CASK: variants seen among roughly 807,000 people sequenced by gnomAD.
The protein encoded by CASK is calcium/calmodulin dependent serine protein kinase.
A neutral mutation model predicts 82.9 loss-of-function variants in CASK; 4 were observed. The ratio of observed to expected loss-of-function variants is 0.05; its 90% confidence interval spans 0.02 to 0.11. CASK has a LOEUF of 0.11. CASK is among the 10% of genes least tolerant of loss of function. The pLI is 1.00. For synonymous variants in CASK, 259 were observed against 253.5 expected (o/e 1.02, Z -0.20); for missense variants, 358 against 720.9 (o/e 0.50, Z 5.76).
chrX:41,738,566 A>C (rs1026473956), intron 5 of CASK, among the ~76,000 whole-genome samples: 13 of 112,593 alleles, frequency 1.2e-4, no homozygotes, highest in Non-Finnish European at 2.4e-4. Context: ...AATTTTCTTA[A>C]TCATTTAAAG....
chrX:41,904,818 T>C (rs2072442701), intron 1 of CASK, among the ~76,000 whole-genome samples: 1 of 111,785 alleles, frequency 8.9e-6, no homozygotes, highest in Non-Finnish European at 1.9e-5. Context: ...GTTTATCTCT[T>C]ACTTATAAGT....
At chrX:41,824,282 T>A (rs983866306) in intron 2 of CASK, among the ~76,000 whole-genome samples, 1 of 112,398 alleles carries the variant, frequency 8.9e-6, no homozygotes, top group Non-Finnish European at 1.9e-5. Context: ...CTCACTGTCA[T>A]ATACACAATC....
intron 1 of CASK, among the ~76,000 whole-genome samples, chrX:41,898,759 T>C (rs926911888): frequency 8.9e-6 from 1 of 112,135 alleles, no homozygotes; most frequent in Non-Finnish European, 1.9e-5. Flanking sequence ...TTTTGATTTC[T>C]AGTTTCATAC....
intron 26 of CASK, 88 bp from the exon 27 acceptor site, chrX:41,520,684 T>C: frequency 1.2e-6 from 1 of 847,037 alleles, no homozygotes; most frequent in African/African-American, 2.0e-5. Context: ...TCGTTCTCTT[T>C]TCACATTTTT....
intron 16 of CASK, among the ~76,000 whole-genome samples, chrX:41,563,064 A>AAAAAAAG (rs2065254569): frequency 9.8e-6 from 1 of 101,987 alleles, no homozygotes; most frequent in African/African-American, 3.5e-5. Flanking sequence ...AAAAAAAAAA[A>AAAAAAAG]AGAAAAGAAA....
chrX:41,861,986 A>T (rs1242820256), intron 1 of CASK, among the ~76,000 whole-genome samples: 2 of 105,285 alleles, frequency 1.9e-5, no homozygotes, highest in South Asian at 3.9e-4. Context: ...ACACATACAT[A>T]TATACATTAT....
At chrX:41,915,013 CAT>C (rs2072648067) in intron 1 of CASK, among the ~76,000 whole-genome samples, 2 of 111,767 alleles carry the variant, frequency 1.8e-5, no homozygotes, top group African/African-American at 6.5e-5. Flanking sequence ...GTTATAGCCA[CAT>C]GTGTTCTTAG....
chrX:41,718,398 A>G (rs1602516175), intron 5 of CASK, among the ~76,000 whole-genome samples: 1 of 113,105 alleles, frequency 8.8e-6, no homozygotes, highest in East Asian at 2.8e-4. Flanking sequence ...AGCACAGGTG[A>G]AACAACCTGG....
intron 5 of CASK, chrX:41,676,622 C>T: frequency 6.0e-6 from 3 of 499,993 alleles, no homozygotes; most frequent in Non-Finnish European, 9.8e-6. Flanking sequence ...TTATGTTGAG[C>T]GAGATGGGAA....
chrX:41,711,618 T>C (rs753959403), intron 5 of CASK, among the ~76,000 whole-genome samples: 4 of 111,108 alleles, frequency 3.6e-5, no homozygotes, highest in Non-Finnish European at 5.7e-5. Flanking sequence ...TGTCTTCCTG[T>C]TTGGTGTGCT....
chrX:41,643,105 A>G (rs1436636522), intron 8 of CASK, among the ~76,000 whole-genome samples: 7 of 111,331 alleles, frequency 6.3e-5, no homozygotes, highest in African/African-American at 2.3e-4. Flanking sequence ...CCATTGGTCT[A>G]TATCTCTGTT....
At chrX:41,631,449 T>C (rs1173269758) in intron 9 of CASK, among the ~76,000 whole-genome samples, 1 of 111,071 alleles carries the variant, frequency 9.0e-6, no homozygotes, top group Non-Finnish European at 1.9e-5. Context: ...AAAAACAACA[T>C]ATATCTATAT....
At chrX:41,856,886 ATT>A (rs898102486) in intron 1 of CASK, among the ~76,000 whole-genome samples, 12 of 110,537 alleles carry the variant, frequency 1.1e-4, no homozygotes, top group Admixed American at 9.6e-5. Context: ...AAGCAAGGGT[ATT>A]ATGTGGTCAC....
intron 2 of CASK, among the ~76,000 whole-genome samples, chrX:41,823,841 A>AT (rs1235097997): frequency 5.5e-5 from 6 of 110,031 alleles, no homozygotes; most frequent in African/African-American, 2.0e-4. Context: ...CCTCATGATC[A>AT]TTTTTTTTCA....
intron 19 of CASK, 81 bp from the exon 20 acceptor site, chrX:41,555,716 T>C: frequency 1.4e-6 from 1 of 710,871 alleles, no homozygotes; most frequent in Non-Finnish European, 2.2e-6. Context: ...TCTGTTACAA[T>C]ATGGTTAAAA....
At chrX:41,855,108 T>C (rs1156502811) in intron 1 of CASK, among the ~76,000 whole-genome samples, 2 of 111,951 alleles carry the variant, frequency 1.8e-5, no homozygotes, top group African/African-American at 3.2e-5. Context: ...TTCTTTACTT[T>C]TTCCTGCTTG....
chrX:41,648,184 C>T (rs759835359), intron 8 of CASK, among the ~76,000 whole-genome samples: 5 of 111,126 alleles, frequency 4.5e-5, no homozygotes, highest in East Asian at 2.8e-4. Flanking sequence ...CACCCCGAGG[C>T]GTACCTGTCT....
In CASK at chrX:41,761,081, C is replaced by T. The variant is rs142587397; in HGVS notation, c.279-15480G>A. On this transcript the variant is annotated intron_variant, in intron 3 of 26. Transcript: ENST00000378163. ...ATTCTTCTCTCTAGAAATAAGTTCT[C>T]CTTCTTGCTCCTCAAAACCTTCTCT... Among the ~76,000 whole-genome samples the T allele has an allele frequency of 4.5e-3, 500 of 111,724 alleles. 4 individuals carry two copies. The highest frequency in any genetic ancestry group is 7.4e-3 in the Non-Finnish European group (395 of 53,164).
intron 2 of CASK, among the ~76,000 whole-genome samples, chrX:41,835,259 G>T (rs1196031357): frequency 8.9e-6 from 1 of 111,754 alleles, no homozygotes; most frequent in East Asian, 2.8e-4. Context: ...TCACCATGTT[G>T]GCCAGGCTGG....
Sources: allele counts gnomAD v4.1 joint callset (sites outside exome capture counted in the v4.1 genomes callset), GRCh38; gene constraint gnomAD v4.1.1; transcripts MANE v1.5; gene names NCBI Gene and HGNC (gene_info 2026-07-23, HGNC 2026-07-21).